ERG: variants seen among roughly 807,000 people sequenced by gnomAD.
The protein encoded by ERG is transcriptional regulator ERG.
In ERG, 9 loss-of-function variants were observed where a neutral mutation model predicts 55.3. The observed-to-expected ratio is 0.16, with a 90% CI of 0.10 to 0.28. The LOEUF (loss-of-function observed/expected upper bound fraction) is 0.28, where lower values mean the gene tolerates loss of function less well. Among genes scored for constraint, ERG ranks in the 10% least tolerant of loss-of-function variants. The pLI, the probability that ERG is intolerant of heterozygous loss-of-function variation, is 1.00. For synonymous variants in ERG, 223 were observed against 237.3 expected, an observed-to-expected ratio of 0.94 and a Z score of 0.55; for missense variants, 434 against 631.6, an observed-to-expected ratio of 0.69 and a Z score of 3.35.
At chr21:38,462,124 G>A (rs139898546) in intron 1 of ERG, among the ~76,000 whole-genome samples, 1,905 of 152,174 alleles carry the variant, frequency 0.013, 20 homozygotes, top group Non-Finnish European at 0.02. Flanking sequence ...GGGACTACAG[G>A]TACCCGCCAC....
At chr21:38,486,943 G>A (rs541290563) in intron 1 of ERG, among the ~76,000 whole-genome samples, 1 of 152,280 alleles carries the variant, frequency 6.6e-6, no homozygotes, top group South Asian at 2.1e-4. Context: ...CCAAGAAGTA[G>A]GAGTTATTAT....
At chr21:38,520,749 G>C (rs1449261596) in intron 2 of ERG, among the ~76,000 whole-genome samples, 6 of 152,182 alleles carry the variant, frequency 3.9e-5, no homozygotes, top group Non-Finnish European at 4.4e-5. Flanking sequence ...CACGAAAAAA[G>C]AACAATCAGA....
chr21:38,425,846 CT>C (rs1989799474), intron 2 of ERG, among the ~76,000 whole-genome samples: 2 of 152,206 alleles, frequency 1.3e-5, no homozygotes, highest in Admixed American at 1.3e-4. Flanking sequence ...CAGGAGCGCA[CT>C]TTCTGAGTGG....
intron 1 of ERG, among the ~76,000 whole-genome samples, chr21:38,467,442 A>G (rs2059101015): frequency 6.6e-6 from 1 of 152,218 alleles, no homozygotes; most frequent in African/African-American, 2.4e-5. Flanking sequence ...GAACAAATGC[A>G]TTATACTAGC....
At chr21:38,541,628 C>T (rs1175184156) in intron 2 of ERG, among the ~76,000 whole-genome samples, 1 of 152,170 alleles carries the variant, frequency 6.6e-6, no homozygotes, top group Non-Finnish European at 1.5e-5. Context: ...GTGATTTATG[C>T]TAAAATACCT....
intron 1 of ERG, among the ~76,000 whole-genome samples, chr21:38,454,170 T>A (rs2146577673): frequency 6.6e-6 from 1 of 152,360 alleles, no homozygotes; most frequent in East Asian, 1.9e-4. Flanking sequence ...TAGTTTTAAA[T>A]AATTCATTTG....
Position 38,573,406 on chromosome 21 carries a change from A to G in ERG, c.-41+2256T>C, listed in dbSNP as rs560547465. 1.3e-3 allele frequency among the ~76,000 whole-genome samples: 200 copies of G among 152,276 alleles called. 1 individual carries two copies. Among genetic ancestry groups the G allele is most frequent in the African/African-American group, 3.1e-3 (128 of 41,512 alleles). ...TCTGCCCCTGGGAACTGAATGTCTC[A>G]GTATAAAACCCAATTGTACATTTGT... On this transcript the variant is annotated intron_variant, in intron 2 of 8. Coordinates refer to the ERG transcript ENST00000398897.
At chr21:38,598,576 C>T (rs538708341) in intron 1 of ERG, among the ~76,000 whole-genome samples, 4 of 152,336 alleles carry the variant, frequency 2.6e-5, no homozygotes, top group African/African-American at 9.6e-5. Flanking sequence ...GAATAGCACA[C>T]AGAGCACAGC....
intron 1 of ERG, among the ~76,000 whole-genome samples, chr21:38,602,871 G>A (rs972092379): frequency 6.6e-6 from 1 of 151,936 alleles, no homozygotes; most frequent in Non-Finnish European, 1.5e-5. Flanking sequence ...AAAAAACGAC[G>A]ATTCCAGTGG....
rs1215303897 is a variant in ERG at position 38,383,808 on chromosome 21, G to A, written c.1035C>T (p.Asp345=). Residue 345 remains aspartate, a synonymous_variant, in exon 10 of 10, where the codon GAC becomes GAT. Transcript: ENST00000288319. The surrounding 1 kb of genome is among the most constrained non-coding windows in gnomAD (Gnocchi z 5.7). Reference sequence around the variant, plus strand: ...GCTCTCCCCAGCGCCGGGCCACCTCGTCGGGATCCGTCATCTTGAACTCCC... The same window carrying A: ...GCTCTCCCCAGCGCCGGGCCACCTCATCGGGATCCGTCATCTTGAACTCCC... ...TNGEFKMTDP[D]EVARRWGERK... is the part of the protein sequence containing the mutation. 4 of 1,614,042 alleles carry A rather than the reference G, an allele frequency of 2.5e-6. No individual in the cohort carries two copies. The highest frequency in any genetic ancestry group is 3.4e-6 in the Non-Finnish European group (4 of 1,180,044).
intron 1 of ERG, among the ~76,000 whole-genome samples, chr21:38,594,644 C>A (rs1030050626): frequency 6.6e-6 from 1 of 152,148 alleles, no homozygotes; most frequent in Non-Finnish European, 1.5e-5. Flanking sequence ...CTGGAATCAT[C>A]TGAAGGAGAG....
chr21:38,563,653 G>A (rs959643996), intron 2 of ERG, among the ~76,000 whole-genome samples: 7 of 152,198 alleles, frequency 4.6e-5, no homozygotes, highest in Non-Finnish European at 1.5e-5. Context: ...TTGTTTCATT[G>A]TTGCCATTGC....
chr21:38,459,638 C>T (rs1225133247), intron 1 of ERG, among the ~76,000 whole-genome samples: 2 of 152,152 alleles, frequency 1.3e-5, no homozygotes, highest in Non-Finnish European at 2.9e-5. Context: ...GCTAGAGATA[C>T]CTTTATTCAG....
intron 2 of ERG, among the ~76,000 whole-genome samples, chr21:38,562,015 T>G (rs1201699492): frequency 6.6e-6 from 1 of 152,226 alleles, no homozygotes; most frequent in Non-Finnish European, 1.5e-5. Context: ...CAGCCTTGGT[T>G]AAAATCCCAA....
chr21:38,377,468 AG>A (rs1287209356), downstream of ERG, among the ~76,000 whole-genome samples: 7 of 152,246 alleles, frequency 4.6e-5, no homozygotes, highest in Non-Finnish European at 1.5e-5. Flanking sequence ...TAATTTAAAA[AG>A]GTTGGGCAAG....
At chr21:38,488,353 T>A (rs2059305875) in intron 1 of ERG, among the ~76,000 whole-genome samples, 1 of 152,208 alleles carries the variant, frequency 6.6e-6, no homozygotes, top group Non-Finnish European at 1.5e-5. Context: ...CACCCTTTGG[T>A]GCTTCGCCAG....
chr21:38,419,537 G>C (rs2146493647), intron 3 of ERG, among the ~76,000 whole-genome samples: 1 of 152,110 alleles, frequency 6.6e-6, no homozygotes, highest in East Asian at 1.9e-4. Context: ...ACACGTGCGT[G>C]TAAACCTCAC....
At chr21:38,477,544 G>T (rs962308621) in intron 1 of ERG, among the ~76,000 whole-genome samples, 2 of 152,142 alleles carry the variant, frequency 1.3e-5, no homozygotes, top group South Asian at 2.1e-4. Flanking sequence ...AGTGGTTAGA[G>T]AATCTACCAG....
chr21:38,617,167 C>T (rs1270983231), intron 1 of ERG, among the ~76,000 whole-genome samples: 1 of 152,176 alleles, frequency 6.6e-6, no homozygotes, highest in Non-Finnish European at 1.5e-5. Flanking sequence ...TGAATTTTGA[C>T]AGAGATGACA....
Sources: gnomAD v4.1 joint callset for allele counts (sites outside exome capture counted in the v4.1 genomes callset) on GRCh38, gnomAD v4.1.1 for gene constraint, Gnocchi (gnomAD v3.1) non-coding constraint, MANE v1.5 for transcripts, NCBI Gene and HGNC (gene_info 2026-07-23, HGNC 2026-07-21) for gene names.